DSCAM: variants seen among roughly 807,000 people sequenced by gnomAD.
The protein encoded by DSCAM is cell adhesion molecule DSCAM.
In DSCAM, 47 loss-of-function variants were observed where a neutral mutation model predicts 217.7. The ratio of observed to expected loss-of-function variants is 0.22; its 90% CI spans 0.17 to 0.28. The LOEUF (loss-of-function observed/expected upper bound fraction) is 0.28. DSCAM is among the 10% of genes least tolerant of loss of function. DSCAM has a pLI of 1.00. For synonymous variants in DSCAM, 1,056 were observed against 1,015.3 expected (o/e 1.04, Z -0.76); for missense variants, 2,080 against 2,618.3 (o/e 0.79, Z 4.49).
chr21:40,419,657 C>G (rs2075404394), intron 3 of DSCAM, among the ~76,000 whole-genome samples: 1 of 152,186 alleles, frequency 6.6e-6, no homozygotes, highest in African/African-American at 2.4e-5. Flanking sequence ...GATACATCTT[C>G]TAGCCTATCA....
chr21:40,320,235 T>C (rs2074245102), intron 8 of DSCAM, among the ~76,000 whole-genome samples: 1 of 152,204 alleles, frequency 6.6e-6, no homozygotes, highest in African/African-American at 2.4e-5. Flanking sequence ...ATGTCCGCTA[T>C]AGTTACTGAT....
chr21:40,364,137 A>C (rs1338004203), intron 4 of DSCAM, among the ~76,000 whole-genome samples: 1 of 152,196 alleles, frequency 6.6e-6, no homozygotes, highest in African/African-American at 2.4e-5. Context: ...TCAGGGATCG[A>C]GAACTAGAAA....
intron 1 of DSCAM, among the ~76,000 whole-genome samples, chr21:40,728,074 G>A (rs1389358982): frequency 6.6e-6 from 1 of 152,128 alleles, no homozygotes; most frequent in East Asian, 1.9e-4. Flanking sequence ...AAAGATGGCG[G>A]CACTTCCACT....
chr21:40,185,901 G>A (rs61662263), intron 14 of DSCAM, among the ~76,000 whole-genome samples: 10,897 of 152,050 alleles, frequency 0.072, 1,236 homozygotes, highest in African/African-American at 0.24. Context: ...TCTTGGCTAC[G>A]GTGAGACTTG....
intron 3 of DSCAM, among the ~76,000 whole-genome samples, chr21:40,569,921 T>A (rs1432820730): frequency 2.6e-5 from 4 of 151,484 alleles, no homozygotes; most frequent in Non-Finnish European, 5.9e-5. Flanking sequence ...GAAAAAAAAA[T>A]TTGTGGTATG....
intron 3 of DSCAM, among the ~76,000 whole-genome samples, chr21:40,628,175 G>C (rs1173298065): frequency 1.3e-5 from 2 of 152,166 alleles, no homozygotes; most frequent in Admixed American, 1.3e-4. Context: ...CCTCTTTTCT[G>C]ATCCATACTT....
chr21:40,690,628 T>C (rs1435949384), intron 3 of DSCAM, among the ~76,000 whole-genome samples: 1 of 152,194 alleles, frequency 6.6e-6, no homozygotes, highest in African/African-American at 2.4e-5. Context: ...CAGAGGGGCA[T>C]AAATTCTATA....
chr21:40,556,048 A>G (rs2076669124), intron 3 of DSCAM, among the ~76,000 whole-genome samples: 1 of 152,222 alleles, frequency 6.6e-6, no homozygotes, highest in Admixed American at 6.5e-5. Context: ...AATAGAGTGT[A>G]TAGAAGAAAA....
At chr21:40,471,674 C>T (rs548063317) in intron 3 of DSCAM, among the ~76,000 whole-genome samples, 1 of 152,336 alleles carries the variant, frequency 6.6e-6, no homozygotes, top group Admixed American at 6.5e-5. Flanking sequence ...CCCAAGTAGC[C>T]TGGTTTCACA....
intron 21 of DSCAM, among the ~76,000 whole-genome samples, chr21:40,090,847 T>G (rs570493353): frequency 2.4e-4 from 36 of 152,314 alleles, no homozygotes; most frequent in African/African-American, 8.4e-4. Context: ...TTCGTCACCT[T>G]GGATTGAACC....
chr21:40,519,367 T>C (rs1335122531), intron 3 of DSCAM, among the ~76,000 whole-genome samples: 1 of 152,180 alleles, frequency 6.6e-6, no homozygotes, highest in Non-Finnish European at 1.5e-5. Flanking sequence ...GTCTGAATTA[T>C]TGTATCTGCC....
intron 3 of DSCAM, among the ~76,000 whole-genome samples, chr21:40,433,479 C>T (rs2075555427): frequency 6.6e-6 from 1 of 152,098 alleles, no homozygotes; most frequent in South Asian, 2.1e-4. Context: ...CCAACCCCTG[C>T]ACGGGACTGC....
At chr21:40,026,842 T>A (rs1462944498) in intron 32 of DSCAM, among the ~76,000 whole-genome samples, 22 of 150,378 alleles carry the variant, frequency 1.5e-4, no homozygotes, top group African/African-American at 4.4e-4. Flanking sequence ...TTTGCCAGTC[T>A]GTGTCTTTTA....
intron 3 of DSCAM, among the ~76,000 whole-genome samples, chr21:40,511,087 T>C (rs527872713): frequency 1.0e-3 from 152 of 152,358 alleles, no homozygotes; most frequent in African/African-American, 3.4e-3. Context: ...GTGTTAATAA[T>C]AAAGGTTGGA....
intron 27 of DSCAM, among the ~76,000 whole-genome samples, chr21:40,066,706 C>G (rs549015367): frequency 1.3e-5 from 2 of 152,170 alleles, no homozygotes; most frequent in Admixed American, 1.3e-4. Flanking sequence ...ATTTGTCCCT[C>G]TAATACATTA....
intron 1 of DSCAM, among the ~76,000 whole-genome samples, chr21:40,819,277 G>A (rs771195911): frequency 1.1e-4 from 17 of 152,338 alleles, no homozygotes; most frequent in Non-Finnish European, 2.4e-4. Flanking sequence ...ACATTTTACC[G>A]TAATTGAACA....
intron 11 of DSCAM, among the ~76,000 whole-genome samples, chr21:40,242,690 A>G (rs143633896): frequency 0.013 from 1,970 of 152,342 alleles, 23 homozygotes; most frequent in Middle Eastern, 0.02. Flanking sequence ...ACACTGTGAC[A>G]TGCAACTTTG....
intron 3 of DSCAM, among the ~76,000 whole-genome samples, chr21:40,486,976 C>G (rs1601682290): frequency 6.6e-6 from 1 of 152,100 alleles, no homozygotes; most frequent in Admixed American, 6.5e-5. Flanking sequence ...TTTAGCAACT[C>G]TGCTTGGTCT....
chr21:40,266,069 C>T (rs1410118691), intron 11 of DSCAM, among the ~76,000 whole-genome samples: 1 of 152,118 alleles, frequency 6.6e-6, no homozygotes, highest in Non-Finnish European at 1.5e-5. Flanking sequence ...AACAGACAAC[C>T]TACAGAATGG....
Sources: allele counts gnomAD v4.1 joint callset (sites outside exome capture counted in the v4.1 genomes callset), GRCh38; gene constraint gnomAD v4.1.1; transcripts MANE v1.5; gene names NCBI Gene and HGNC (gene_info 2026-07-23, HGNC 2026-07-21).